FHL3: variants seen among roughly 807,000 people sequenced by gnomAD.
FHL3 encodes the protein four and a half LIM domains 3.
In FHL3, 21 loss-of-function variants were observed where a neutral mutation model predicts 34.3. The observed-to-expected ratio is 0.61, with a 90% CI of 0.43 to 0.88. The LOEUF (loss-of-function observed/expected upper bound fraction) is 0.88. Ranked by LOEUF, FHL3 falls within the 40% of genes least tolerant of loss-of-function variation. FHL3 has a pLI of 0.00. For missense variants in FHL3, 333 were observed against 373.7 expected, an observed-to-expected ratio of 0.89 and a Z score of 0.90; for synonymous variants, 137 against 144.6, an observed-to-expected ratio of 0.95 and a Z score of 0.38.
At chr1:38,001,002 G>C (rs989071541) in intron 1 of FHL3, among the ~76,000 whole-genome samples, 1 of 152,182 alleles carries the variant, frequency 6.6e-6, no homozygotes, top group Admixed American at 6.5e-5. Context: ...TCCACCCCCA[G>C]TGCGAAATTC....
rs1468035450 is a variant in FHL3, at chr1:37,999,240, C to T, written c.156+17G>A. The T allele has an allele frequency of 4.3e-6, 7 of 1,614,180 alleles. No individual in the cohort carries two copies. Among genetic ancestry groups the T allele is most frequent in the African/African-American group, 4.0e-5 (3 of 75,056 alleles). On this transcript the variant is annotated intron_variant, in intron 2 of 5. Transcript: ENST00000373016. ...TGGTCACCACCCACCTCCTGCCTGGCCTGGCCCTCTCCTTACCCTCGAGTC... is the reference window on the plus strand; with the variant it reads ...TGGTCACCACCCACCTCCTGCCTGGTCTGGCCCTCTCCTTACCCTCGAGTC...
At chr1:38,004,233 G>T (rs991383276) in intron 1 of FHL3, among the ~76,000 whole-genome samples, 3 of 152,138 alleles carry the variant, frequency 2.0e-5, no homozygotes, top group Admixed American at 2.0e-4. Flanking sequence ...CATTCACCCT[G>T]GGTCCCCCAG....
Position 37,997,574 on chromosome 1 carries a change from G to C in FHL3, c.689-15C>G, listed in dbSNP as rs762653600. ...TCCACCGAGTCCTGGAGGGAGGCTG[G>C]AAGTTAGCTATGCAGATGTGGGGAT... On this transcript the variant is annotated splice_polypyrimidine_tract_variant and intron_variant, in intron 5 of 5. Coordinates refer to ENST00000373016, the MANE Select transcript of FHL3 (RefSeq NM_004468.5). The surrounding 1 kb of genome is among the most constrained non-coding windows in gnomAD (Gnocchi z 4.3). 9.3e-6 allele frequency: 15 copies of C among 1,613,530 alleles called. No individual in the cohort carries two copies. Among genetic ancestry groups the C allele is most frequent in the African/African-American group, 2.7e-5 (2 of 74,822 alleles).
rs762067246 is a variant in FHL3, at chr1:37,997,462, G to A, written c.786C>T (p.Gly262=). 1 of 1,613,976 alleles carries A rather than the reference G, an allele frequency of 6.2e-7. No homozygotes were observed. The highest frequency in any genetic ancestry group is 1.3e-5 in the African/African-American group (1 of 74,920). Residue 262 remains glycine, a synonymous_variant, in exon 6 of 6, where the codon GGC becomes GGT. Coordinates refer to ENST00000373016, the MANE Select transcript of FHL3 (RefSeq NM_004468.5). This position sits in a 1 kb window ranked among gnomAD's most constrained non-coding sequence, Gnocchi z 4.3. ...GCACTTGGTCTCCATCCGGTACGAA[G>A]CCCTGGCCCACCAGGGAGGTAGAGC... ...ARCSTSLVGQ[G]FVPDGDQVLC... is the part of the protein sequence containing the mutation.
chr1:38,001,474 G>A (rs1432982545), intron 1 of FHL3, among the ~76,000 whole-genome samples: 1 of 152,196 alleles, frequency 6.6e-6, no homozygotes, highest in South Asian at 2.1e-4. Context: ...ACCCAAATAG[G>A]GTATGGGCAT....
rs1157991101 is a variant in FHL3, at chr1:37,999,143, C to G, written c.162G>C (p.Leu54=). 1.2e-6 allele frequency: 2 copies of G among 1,614,198 alleles called. No homozygotes were observed. Among genetic ancestry groups the G allele is most frequent in the Non-Finnish European group, 1.7e-6 (2 of 1,180,038 alleles). ...CGTGGAAATGGCGGTCTTCATAGAA[C>G]AGCTCCTGTGGGGAACACAGCAGGG... The part of the protein sequence containing the change: ...QQLIGHDSRE[L]FYEDRHFHEG... Residue 54 remains leucine (L), a synonymous_variant, in exon 3 of 6, where the codon CTG becomes CTC. Coordinates refer to ENST00000373016, the MANE Select transcript of FHL3 (RefSeq NM_004468.5).
intron 1 of FHL3, among the ~76,000 whole-genome samples, chr1:38,005,137 G>GCCGCCCCCGCCC (rs1285297934): frequency 1.8e-4 from 28 of 151,614 alleles, no homozygotes; most frequent in African/African-American, 6.3e-4. Flanking sequence ...AACTCTCGCT[G>GCCGCCCCCGCCC]CCGCCCCCGC....
intron 3 of FHL3, chr1:37,998,597 T>C (rs1570482225): frequency 3.5e-6 from 1 of 282,894 alleles, no homozygotes; most frequent in Non-Finnish European, 6.8e-6. Flanking sequence ...TCTCCATAGG[T>C]GCTGAGTCCC....
In FHL3 at chr1:37,999,294, C is replaced by G; in HGVS notation, c.119G>C (p.Cys40Ser). 6.2e-7 allele frequency: 1 copy of G among 1,614,234 alleles called. No individual in the cohort carries two copies. Among genetic ancestry groups the G allele is most frequent in the Non-Finnish European group, 8.5e-7 (1 of 1,180,038 alleles). ...CCCGATAAGCTGCTGGCACTCAGCACAGGTGTTGGCAAAGGTATTGTCATA... is the reference window on the plus strand; with the variant it reads ...CCCGATAAGCTGCTGGCACTCAGCAGAGGTGTTGGCAAAGGTATTGTCATA... ...PCYDNTFANTCAECQQLIGHD... is the reference protein window; with the variant it reads ...PCYDNTFANTSAECQQLIGHD... Residue 40 changes from cysteine to serine, a missense_variant, in exon 2 of 6, where the codon TGT (cysteine) becomes TCT (serine). Physicochemically the swap from Cys to Ser is moderately radical, Grantham distance 112. Coordinates refer to ENST00000373016, the MANE Select transcript of FHL3 (RefSeq NM_004468.5).
At chr1:38,003,828 T>C (rs6600436) in intron 1 of FHL3, among the ~76,000 whole-genome samples, 85,301 of 151,892 alleles carry the variant, frequency 0.56, 24,391 homozygotes, top group East Asian at 0.81. Context: ...GGGTGGTCAG[T>C]TTTTAAGGGC....
Position 37,997,367 on chromosome 1 carries a change from C to A in FHL3, c.*38G>T, listed in dbSNP as rs753513142. The A allele has an allele frequency of 6.3e-7, 1 of 1,598,684 alleles. No individual in the cohort carries two copies. Among genetic ancestry groups the A allele is most frequent in the Admixed American group, 1.8e-5 (1 of 56,818 alleles). ...TTAGAAAAGGAGCCACAGTCCTGGG[C>A]CCGTGGTATGGGAAAGCCTGGGTCC... is the stretch of plus-strand genomic sequence containing the variant. On this transcript the variant is annotated 3_prime_UTR_variant, in exon 6 of 6. Transcript: ENST00000373016. This position sits in a 1 kb window ranked among gnomAD's most constrained non-coding sequence, Gnocchi z 4.3.
rs775597521 is a variant in FHL3 at position 37,997,971 on chromosome 1, A to C, written c.493T>G (p.Cys165Gly). Residue 165 changes from cysteine to glycine, a missense_variant, in exon 4 of 6, where the codon TGC becomes GGC. Cys to Gly is a radical substitution (Grantham distance 159, BLOSUM62 -3). Transcript: ENST00000373016. This position sits in a 1 kb window ranked among gnomAD's most constrained non-coding sequence, Gnocchi z 4.3. Reference protein sequence around the residue: ...ENKFAPRCARCSKTLTQGGVT... With the variant: ...ENKFAPRCARGSKTLTQGGVT... ...GCTGGCCCAGCCCCCACCTTGCTGCAGCGGGCGCAGCGAGGAGCAAACTTG... is the reference window on the plus strand; with the variant it reads ...GCTGGCCCAGCCCCCACCTTGCTGCCGCGGGCGCAGCGAGGAGCAAACTTG... The C allele has an allele frequency of 5.0e-6, 8 of 1,614,116 alleles. No homozygotes were observed. The highest frequency in any genetic ancestry group is 6.8e-6 in the Non-Finnish European group (8 of 1,179,978).
In FHL3 at chr1:37,998,762, C is replaced by A. The variant is rs1166234260; in HGVS notation, c.331+212G>T. On this transcript the variant is annotated intron_variant, in intron 3 of 5. Coordinates refer to ENST00000373016, the MANE Select transcript of FHL3 (RefSeq NM_004468.5). The stretch of plus-strand genomic sequence containing the variant: ...CATGCAGATATTCACACATGCTAAG[C>A]CCCCAAGTATGTATCACATGTGTCA... 6 of 579,308 alleles carry A rather than the reference C, an allele frequency of 1.0e-5. No homozygotes were observed. In the Admixed American group the frequency reaches 1.5e-4, roughly 15 times the overall value. The allele number at this position is 579,308 out of a possible 1,614,324, so 35.9% of individuals were successfully genotyped here.
chr1:37,998,079 A>G lies in FHL3; in HGVS notation c.385T>C (p.Cys129Arg). The G allele has an allele frequency of 2.5e-6, 4 of 1,614,010 alleles. No homozygotes were observed. The highest frequency in any genetic ancestry group is 3.4e-6 in the Non-Finnish European group (4 of 1,179,904). ...CCCAGTGGCTGTTCACAGCCACTGC[A>G]CAGGAAGCAGTGCTCATGCCATGTC... is the stretch of plus-strand genomic sequence containing the variant. ...GQTWHEHCFL[C>R]SGCEQPLGSR... Residue 129 changes from cysteine to arginine, a missense_variant, in exon 4 of 6, where the codon TGC (cysteine) becomes CGC (arginine). By Grantham distance (180) the Cys-to-Arg change is radical (BLOSUM62 -3). Coordinates refer to ENST00000373016, the MANE Select transcript of FHL3 (RefSeq NM_004468.5).
In FHL3 at chr1:37,997,520, T is replaced by C. The variant is rs1171106953; in HGVS notation, c.728A>G (p.His243Arg). 5 of 1,613,690 alleles carry C rather than the reference T, an allele frequency of 3.1e-6. No individual in the cohort carries two copies. Among genetic ancestry groups the C allele is most frequent in the Non-Finnish European group, 4.2e-6 (5 of 1,179,872 alleles). ...GGKYVSFEDRHWHHNCFSCAR... is the reference protein window; with the variant it reads ...GGKYVSFEDRRWHHNCFSCAR... ...GCAGGAGAAGCAGTTGTGGTGCCAG[T>C]GTCGGTCTTCAAAGGACACATACTT... The change falls in exon 6 of 6, where the codon CAC becomes CGC. Residue 243 changes from histidine to arginine, a missense_variant. His to Arg is a conservative substitution (Grantham distance 29). Coordinates refer to ENST00000373016, the MANE Select transcript of FHL3 (RefSeq NM_004468.5). The surrounding 1 kb of genome is among the most constrained non-coding windows in gnomAD (Gnocchi z 4.3).
At chr1:37,999,208 C>T (rs772931383) in intron 2 of FHL3, 49 bp downstream of exon 2, 1 of 1,613,852 alleles carries the variant, frequency 6.2e-7, no homozygotes, top group South Asian at 1.1e-5. Flanking sequence ...CCTTTGCCCC[C>T]TTCCACTGGT....
rs1570479715 is a variant in FHL3, at chr1:37,997,323, G to A, written c.*82C>T. 4.8e-6 allele frequency: 7 copies of A among 1,462,132 alleles called. No individual in the cohort carries two copies. The East Asian group carries it at 1.4e-4, about 29-fold the overall frequency. The allele number at this position is 1,462,132 out of a possible 1,614,324, so 90.6% of individuals were successfully genotyped here. A position where few individuals can be genotyped will look rare whatever the true frequency, so the allele number is the denominator to read the frequency against. On this transcript the variant is annotated 3_prime_UTR_variant, in exon 6 of 6. Coordinates refer to ENST00000373016, the MANE Select transcript of FHL3 (RefSeq NM_004468.5). This position sits in a 1 kb window ranked among gnomAD's most constrained non-coding sequence, Gnocchi z 4.3. ...AGACCCATTTTTTTTGGCGGGGGGAGCTGAGTCCCAGAGGTGGTTTAGAAA... is the reference window on the plus strand; with the variant it reads ...AGACCCATTTTTTTTGGCGGGGGGAACTGAGTCCCAGAGGTGGTTTAGAAA...
In FHL3 at chr1:37,997,982, C is replaced by G. The variant is rs375305856; in HGVS notation, c.482G>C (p.Arg161Pro). The G allele has an allele frequency of 7.4e-6, 12 of 1,614,000 alleles. No individual in the cohort carries two copies. The highest frequency in any genetic ancestry group is 1.0e-5 in the Non-Finnish European group (12 of 1,179,992). Residue 161 changes from arginine (R) to proline (P), a missense_variant, in exon 4 of 6, where the codon CGC becomes CCC. Arg to Pro is a moderately radical substitution (Grantham distance 103, BLOSUM62 -2). Coordinates refer to ENST00000373016, the MANE Select transcript of FHL3 (RefSeq NM_004468.5). The surrounding 1 kb of genome is among the most constrained non-coding windows in gnomAD (Gnocchi z 4.3). ...VPCYENKFAP[R>P]CARCSKTLTQ... is the part of the protein sequence containing the mutation. ...CCCCACCTTGCTGCAGCGGGCGCAGCGAGGAGCAAACTTGTTCTCATAGCA... is the reference window on the plus strand; with the variant it reads ...CCCCACCTTGCTGCAGCGGGCGCAGGGAGGAGCAAACTTGTTCTCATAGCA...
rs1192923835 is a variant in FHL3 at position 37,998,986 on chromosome 1, TCTC to T, written c.316_318del (p.Glu106del). On this transcript the variant is annotated inframe_deletion, in exon 3 of 6. Transcript: ENST00000373016. ...CCTGAACACATACCAGGCATGACAG[TCTC>T]CCCACAAGCGGAGCACTGCGAGGAA... is the stretch of plus-strand genomic sequence containing the variant. 6.2e-7 allele frequency: 1 copy of T among 1,613,942 alleles called. No homozygotes were observed. Among genetic ancestry groups the T allele is most frequent in the Non-Finnish European group, 8.5e-7 (1 of 1,179,830 alleles).
Sources: gnomAD v4.1 joint callset for allele counts (sites outside exome capture counted in the v4.1 genomes callset) on GRCh38, gnomAD v4.1.1 for gene constraint, Gnocchi (gnomAD v3.1) non-coding constraint, MANE v1.5 for transcripts, NCBI Gene and HGNC (gene_info 2026-07-23, HGNC 2026-07-21) for gene names.